The following HERC2 variants were observed in gnomAD, a reference collection of about 807,000 sequenced individuals.
HERC2 encodes the protein E3 ubiquitin-protein ligase HERC2.
In HERC2, 102 loss-of-function variants were observed where a neutral mutation model predicts 537.7. That is an observed-to-expected ratio of 0.19 (90% CI 0.16 to 0.22). The LOEUF (loss-of-function observed/expected upper bound fraction) is 0.22. Among genes scored for constraint, HERC2 ranks in the 10% least tolerant of loss-of-function variants. The pLI is 1.00. For missense variants in HERC2, 4,236 were observed against 6,198.2 expected (o/e 0.68, Z 10.63); for synonymous variants, 2,224 against 2,466.2 (o/e 0.90, Z 2.91).
rs186922866 is a variant in HERC2 at position 28,128,426 on chromosome 15, G to A, written c.12802+1737C>T. Among the ~76,000 whole-genome samples the A allele has an allele frequency of 4.5e-4, 69 of 152,236 alleles. No homozygotes were observed. The East Asian group carries it at 8.1e-3, about 18-fold the overall frequency. Reference sequence around the variant, plus strand: ...GTTCTAGGTAATGTACTTCCAACTGGTTTGCTTCCAACTGTGATTTGTCTC... The same window carrying A: ...GTTCTAGGTAATGTACTTCCAACTGATTTGCTTCCAACTGTGATTTGTCTC... On this transcript the variant is annotated intron_variant, in intron 83 of 92. Transcript: ENST00000261609.
At chr15:28,195,070 T>C (rs1478987062) in intron 52 of HERC2, among the ~76,000 whole-genome samples, 2 of 150,200 alleles carry the variant, frequency 1.3e-5, no homozygotes, top group African/African-American at 4.9e-5. Flanking sequence ...AAAAAAAAAA[T>C]TAAAATATGT....
At chr15:28,207,462 C>T (rs549775152) in intron 44 of HERC2, among the ~76,000 whole-genome samples, 150 of 152,292 alleles carry the variant, frequency 9.8e-4, no homozygotes, top group African/African-American at 3.4e-3. Context: ...TGTTCACTCA[C>T]GGCTTCAGTA....
At position 28,117,290 on chromosome 15, in the gene HERC2, G is replaced by A. The variant is rs778392971; in HGVS notation, c.13273-136C>T. 23 of 901,446 alleles carry A rather than the reference G, an allele frequency of 2.6e-5. No individual in the cohort carries two copies. In the Middle Eastern group the frequency reaches 1.5e-3, roughly 57 times the overall value. The allele number at this position is 901,446 out of a possible 1,614,324, so 55.8% of individuals were successfully genotyped here. A position where few individuals can be genotyped will look rare whatever the true frequency, so the allele number is the denominator to read the frequency against. ...CCTCCCTGGTCACACACCTGCTTGT[G>A]TGGACGCCAGGCAGACCCTGCCGTC... On this transcript the variant is annotated intron_variant, in intron 86 of 92. Transcript: ENST00000261609.
intron 74 of HERC2, among the ~76,000 whole-genome samples, chr15:28,143,657 A>G (rs1394561992): frequency 2.0e-5 from 3 of 152,070 alleles, no homozygotes; most frequent in South Asian, 4.1e-4. Flanking sequence ...CGTGTTAGCC[A>G]GGATGGTCTC....
chr15:28,252,244 G>A (rs902524660), intron 20 of HERC2, among the ~76,000 whole-genome samples: 2 of 152,064 alleles, frequency 1.3e-5, no homozygotes, highest in African/African-American at 4.8e-5. Context: ...CACAGCTGCA[G>A]CTCAAACAGC....
chr15:28,251,824 T>G (rs992135586), intron 20 of HERC2, among the ~76,000 whole-genome samples: 3 of 152,124 alleles, frequency 2.0e-5, no homozygotes, highest in Admixed American at 6.5e-5. Context: ...ATTTTAATAA[T>G]GTGTCATACT....
intron 15 of HERC2, among the ~76,000 whole-genome samples, chr15:28,261,737 A>C (rs901740344): frequency 3.9e-5 from 6 of 152,206 alleles, no homozygotes; most frequent in African/African-American, 1.2e-4. Context: ...TAAACTTCTT[A>C]CTCTGCAACT....
At chr15:28,140,216 C>G (rs1281724999) in intron 78 of HERC2, among the ~76,000 whole-genome samples, 2 of 152,180 alleles carry the variant, frequency 1.3e-5, no homozygotes, top group Admixed American at 1.3e-4. Flanking sequence ...TCAAACCCCA[C>G]TGGAAGCCTG....
At position 28,111,649 on chromosome 15, in the gene HERC2, T is replaced by C; in HGVS notation, c.*114A>G. On this transcript the variant is annotated 3_prime_UTR_variant, in exon 93 of 93. Coordinates refer to ENST00000261609, the MANE Select transcript of HERC2 (RefSeq NM_004667.6). ...AGTCTCTCCACTCCCTCCTCCCGCC[T>C]GGCTCGAGGACGGACGCTTCTCATC... The C allele has an allele frequency of 8.7e-7, 1 of 1,145,138 alleles. No homozygotes were observed. Among genetic ancestry groups the C allele is most frequent in the East Asian group, 2.4e-5 (1 of 41,584 alleles). The allele number at this position is 1,145,138 out of a possible 1,614,324, so 70.9% of individuals were successfully genotyped here.
At chr15:28,300,899 GA>G (rs1405090414) in intron 2 of HERC2, among the ~76,000 whole-genome samples, 1 of 129,648 alleles carries the variant, frequency 7.7e-6, no homozygotes, top group East Asian at 2.2e-4. Flanking sequence ...AAGAAATTTT[GA>G]AAAACAACTT....
chr15:28,132,947 G>T, intron 79 of HERC2, 117 bp from the exon 80 acceptor site: 3 of 884,602 alleles, frequency 3.4e-6, no homozygotes, highest in Non-Finnish European at 4.8e-6. Flanking sequence ...AATCAATCAA[G>T]AAGAATCATT....
At chr15:28,181,789 T>C (rs1439853109) in intron 57 of HERC2, among the ~76,000 whole-genome samples, 1 of 152,200 alleles carries the variant, frequency 6.6e-6, no homozygotes, top group Non-Finnish European at 1.5e-5. Context: ...TCCAAGTACC[T>C]AGGGGATGAA....
At chr15:28,242,442 G>A (rs980887294) in intron 23 of HERC2, among the ~76,000 whole-genome samples, 5 of 152,092 alleles carry the variant, frequency 3.3e-5, no homozygotes, top group African/African-American at 7.2e-5. Context: ...TGTTTCCCTC[G>A]ACAAACTAAC....
Position 28,220,484 on chromosome 15 carries a change from G to T in HERC2, c.5813C>A (p.Ser1938Ter). 1 of 1,605,734 alleles carries T rather than the reference G, an allele frequency of 6.2e-7. No homozygotes were observed. The change falls in exon 37 of 93, where the codon TCA (serine) becomes TAA (stop). Residue 1938 changes from serine (S) to a stop codon, truncating the protein, a stop_gained. Coordinates refer to ENST00000261609, the MANE Select transcript of HERC2 (RefSeq NM_004667.6). LOFTEE classifies it high-confidence loss of function. Reference protein sequence around the residue: ...LAELPAAAQPSAEDSDTEDDS... With the variant: ...LAELPAAAQP ...ATCCTCTGTGTCCGAATCCTCTGCTGAGGGCTGTGCAGCAGCCGGCAGCTC... is the reference window on the plus strand; with the variant it reads ...ATCCTCTGTGTCCGAATCCTCTGCTTAGGGCTGTGCAGCAGCCGGCAGCTC...
intron 79 of HERC2, 55 bp from the exon 80 acceptor site, chr15:28,132,885 TCAGTGTA>T: frequency 1.4e-6 from 2 of 1,394,444 alleles, no homozygotes; most frequent in Non-Finnish European, 9.6e-7. Flanking sequence ...TAAACATTTT[TCAGTGTA>T]TTAAATACCT....
chr15:28,242,921 C>G (rs1236639578), intron 23 of HERC2, among the ~76,000 whole-genome samples: 1 of 152,148 alleles, frequency 6.6e-6, no homozygotes, highest in Non-Finnish European at 1.5e-5. Flanking sequence ...AAAGTACTTA[C>G]AAAGAGACTC....
intron 24 of HERC2, 21 bp from the exon 25 acceptor site, chr15:28,238,238 G>A (rs1180705211): frequency 7.1e-7 from 1 of 1,414,990 alleles, no homozygotes; most frequent in Non-Finnish European, 1.0e-6. Context: ...AAGGGAAAAA[G>A]CAACATGAGT....
At chr15:28,173,626 C>T (rs540371265) in intron 65 of HERC2, among the ~76,000 whole-genome samples, 1 of 151,818 alleles carries the variant, frequency 6.6e-6, no homozygotes, top group African/African-American at 2.4e-5. Flanking sequence ...TGGCAAAACC[C>T]TCTCTCCACC....
intron 20 of HERC2, among the ~76,000 whole-genome samples, chr15:28,251,527 G>A (rs149108694): frequency 5.2e-4 from 79 of 151,576 alleles, no homozygotes; most frequent in Admixed American, 7.9e-4. Flanking sequence ...ATGGCCAGGC[G>A]CGGTGGCTCA....
Sources: allele counts gnomAD v4.1 joint callset (sites outside exome capture counted in the v4.1 genomes callset), GRCh38; gene constraint gnomAD v4.1.1; transcripts MANE v1.5; gene names NCBI Gene and HGNC (gene_info 2026-07-23, HGNC 2026-07-21).